Variants in SEMA3A observed in about 807,000 individuals in gnomAD.
The protein encoded by SEMA3A is semaphorin-3A.
A neutral mutation model predicts 97.9 loss-of-function variants in SEMA3A; 29 were observed. The observed-to-expected ratio is 0.30, with a 90% confidence interval of 0.22 to 0.40. The LOEUF is 0.40. Ranked by LOEUF, SEMA3A falls within the 10% of genes least tolerant of loss-of-function variation. The probability of loss-of-function intolerance (pLI) is 1.00; values close to 1 mark genes in which losing one functional copy is unlikely to be tolerated. For missense variants in SEMA3A, 763 were observed against 951.3 expected, an observed-to-expected ratio of 0.80 and a Z score of 2.60; for synonymous variants, 321 against 323.7, an observed-to-expected ratio of 0.99 and a Z score of 0.09.
intron 1 of SEMA3A, among the ~76,000 whole-genome samples, chr7:84,431,116 A>G (rs78441590): frequency 0.016 from 2,368 of 152,156 alleles, 65 homozygotes; most frequent in African/African-American, 0.053. Context: ...ATGAAATTTA[A>G]CATTGATTGC....
chr7:84,438,950 G>A (rs191433882), intron 1 of SEMA3A, among the ~76,000 whole-genome samples: 216 of 152,108 alleles, frequency 1.4e-3, no homozygotes, highest in Middle Eastern at 6.8e-3. Context: ...GTAAGTATCA[G>A]TGTGTCTCAA....
chr7:84,112,040 T>C (rs1184836916), intron 3 of SEMA3A, among the ~76,000 whole-genome samples: 1 of 152,152 alleles, frequency 6.6e-6, no homozygotes, highest in Non-Finnish European at 1.5e-5. Flanking sequence ...AAAGAGGTTG[T>C]AGAAAGGGAA....
intron 2 of SEMA3A, among the ~76,000 whole-genome samples, chr7:84,370,711 C>A (rs984076547): frequency 6.6e-6 from 1 of 151,304 alleles, no homozygotes; most frequent in African/African-American, 2.4e-5. Flanking sequence ...TATTTTTATT[C>A]TCATTTTATA....
At chr7:84,399,566 T>C (rs901626139) in intron 1 of SEMA3A, among the ~76,000 whole-genome samples, 1 of 152,062 alleles carries the variant, frequency 6.6e-6, no homozygotes, top group Non-Finnish European at 1.5e-5. Context: ...GTCCTCCAAC[T>C]GAATATCAGC....
chr7:84,107,619 C>T (rs1248274614), intron 4 of SEMA3A, among the ~76,000 whole-genome samples: 2 of 152,106 alleles, frequency 1.3e-5, no homozygotes, highest in African/African-American at 4.8e-5. Context: ...TATATATTAG[C>T]TATTTGGGTA....
intron 2 of SEMA3A, among the ~76,000 whole-genome samples, chr7:84,332,978 T>A (rs1348228416): frequency 6.6e-6 from 1 of 152,138 alleles, no homozygotes; most frequent in African/African-American, 2.4e-5. Context: ...AAGTCATGAT[T>A]CCAGCTAAGA....
chr7:84,160,821 A>G (rs7790681), intron 1 of SEMA3A, among the ~76,000 whole-genome samples: 58,936 of 151,570 alleles, frequency 0.39, 12,909 homozygotes, highest in Admixed American at 0.49. Context: ...AGGAGGTTGC[A>G]GTGAGCCGAG....
chr7:84,088,262 T>C lies in SEMA3A; in HGVS notation c.453+22208A>G, dbSNP rs542952793. On this transcript the variant is annotated intron_variant, in intron 4 of 16. Transcript: ENST00000265362. ...CAAGGTCGGGAGATCGAGACCATCC[T>C]GGCTAACACGGTGAAACCCCGTCTC... Among the ~76,000 whole-genome samples, 5 of 152,144 alleles carry C rather than the reference T, an allele frequency of 3.3e-5. No individual in the cohort carries two copies. In the East Asian group the frequency reaches 5.8e-4, roughly 18 times the overall value.
intron 6 of SEMA3A, among the ~76,000 whole-genome samples, chr7:84,026,667 C>A (rs1562981709): frequency 6.6e-6 from 1 of 152,072 alleles, no homozygotes; most frequent in Non-Finnish European, 1.5e-5. Context: ...TACTATGCAG[C>A]CATAAAAAGG....
At chr7:84,290,114 G>A (rs761571308) in intron 3 of SEMA3A, among the ~76,000 whole-genome samples, 4 of 152,118 alleles carry the variant, frequency 2.6e-5, no homozygotes, top group Non-Finnish European at 4.4e-5. Context: ...AGAATGGGGT[G>A]TAAGAGCTAG....
At chr7:84,343,722 G>A (rs1292516817) in intron 2 of SEMA3A, among the ~76,000 whole-genome samples, 1 of 152,076 alleles carries the variant, frequency 6.6e-6, no homozygotes, top group Non-Finnish European at 1.5e-5. Context: ...AATTGTGACT[G>A]GGCACAGGGG....
At chr7:84,248,584 CTT>C (rs66529322) in intron 3 of SEMA3A, among the ~76,000 whole-genome samples, 1 of 151,258 alleles carries the variant, frequency 6.6e-6, no homozygotes, top group African/African-American at 2.4e-5. Flanking sequence ...ATAAACACTG[CTT>C]TTTTTTTAGC....
Position 84,313,350 on chromosome 7 carries a change from GTGTGTGTATATATA to G in SEMA3A, c.-168-6072_-168-6059del, listed in dbSNP as rs1190992161. Among the ~76,000 whole-genome samples the G allele has an allele frequency of 1.6e-3, 63 of 38,682 alleles. 1 individual carries two copies. The highest frequency in any genetic ancestry group is 5.6e-3 in the African/African-American group (62 of 11,048). 25.4% of individuals were successfully genotyped at this position (38,682 alleles called of 152,430 possible). A position where few individuals can be genotyped will look rare whatever the true frequency, so the allele number is the denominator to read the frequency against. ...AATACATATATATATATGTATATGTGTGTGTGTATATATATATATATATATATATATATATATAT... is the reference window on the plus strand; with the variant it reads ...AATACATATATATATATGTATATGTGTATATATATATATATATATATATAT... On this transcript the variant is annotated intron_variant, in intron 2 of 3. Transcript: ENST00000424555.
intron 5 of SEMA3A, among the ~76,000 whole-genome samples, chr7:84,052,011 A>G (rs1583877512): frequency 6.6e-6 from 1 of 151,748 alleles, no homozygotes; most frequent in Non-Finnish European, 1.5e-5. Context: ...GCTGGATTAC[A>G]TTTATTGATT....
intron 3 of SEMA3A, among the ~76,000 whole-genome samples, chr7:84,264,273 T>C (rs1270957681): frequency 1.3e-5 from 2 of 152,338 alleles, no homozygotes; most frequent in African/African-American, 2.4e-5. Context: ...TAGGAAAGAA[T>C]GTAAATATTT....
chr7:84,118,969 T>C (rs1795518398), intron 3 of SEMA3A, among the ~76,000 whole-genome samples: 4 of 152,172 alleles, frequency 2.6e-5, no homozygotes, highest in Admixed American at 2.6e-4. Flanking sequence ...ACTAGCTCAT[T>C]GTGATATGTA....
At chr7:84,487,623 A>G (rs1806608753) in intron 1 of SEMA3A, among the ~76,000 whole-genome samples, 1 of 152,184 alleles carries the variant, frequency 6.6e-6, no homozygotes, top group African/African-American at 2.4e-5. Context: ...TTATGAGGAT[A>G]AGATTAACTT....
At chr7:84,450,329 G>A (rs887337578) in intron 1 of SEMA3A, among the ~76,000 whole-genome samples, 9 of 152,156 alleles carry the variant, frequency 5.9e-5, no homozygotes, top group Middle Eastern at 3.4e-3. Flanking sequence ...CCACTCTTGC[G>A]TGCAATTCTT....
intron 1 of SEMA3A, among the ~76,000 whole-genome samples, chr7:84,384,881 A>G (rs879689471): frequency 6.6e-6 from 1 of 152,188 alleles, no homozygotes; most frequent in Non-Finnish European, 1.5e-5. Context: ...TCTGCAATTC[A>G]TCTACAAAGA....
Sources: gnomAD v4.1 joint callset for allele counts (sites outside exome capture counted in the v4.1 genomes callset) on GRCh38, gnomAD v4.1.1 for gene constraint, MANE v1.5 for transcripts, NCBI Gene and HGNC (gene_info 2026-07-23, HGNC 2026-07-21) for gene names.